MAX: variants seen among roughly 807,000 people sequenced by gnomAD.
The protein encoded by MAX is MYC associated transcriptional regulator X.
MAX carries 3 observed loss-of-function variants against 22.3 expected under a neutral mutation model. The ratio of observed to expected loss-of-function variants is 0.13; its 90% confidence interval spans 0.06 to 0.35. MAX has a LOEUF of 0.35. Among genes scored for constraint, MAX ranks in the 10% least tolerant of loss-of-function variants. The pLI, the probability that MAX is intolerant of heterozygous loss-of-function variation, is 1.00. For synonymous variants in MAX, 72 were observed against 77.7 expected, an observed-to-expected ratio of 0.93 and a Z score of 0.39; for missense variants, 119 against 209.4, an observed-to-expected ratio of 0.57 and a Z score of 2.66.
chr14:65,037,741 A>ATTTATTTATTAT (rs372196330), intron 3 of MAX, among the ~76,000 whole-genome samples: 4 of 132,718 alleles, frequency 3.0e-5, no homozygotes, highest in Admixed American at 7.9e-5. Context: ...TTATTTATTT[A>ATTTATTTATTAT]TTATTTATTT....
intron 2 of MAX, among the ~76,000 whole-genome samples, chr14:65,100,022 G>T (rs1249493219): frequency 6.6e-6 from 1 of 152,174 alleles, no homozygotes; most frequent in African/African-American, 2.4e-5. Flanking sequence ...TTACCCTGTG[G>T]TTATCAAGTT....
At chr14:65,049,141 A>T (rs1454633065) in intron 3 of MAX, among the ~76,000 whole-genome samples, 1 of 143,384 alleles carries the variant, frequency 7.0e-6, no homozygotes, top group African/African-American at 2.6e-5. Flanking sequence ...AAAAAAAAAA[A>T]GGCTTAAGAA....
At chr14:65,052,639 T>C (rs2062641436) in intron 3 of MAX, among the ~76,000 whole-genome samples, 1 of 152,190 alleles carries the variant, frequency 6.6e-6, no homozygotes, top group Non-Finnish European at 1.5e-5. Context: ...ATTACCAGAA[T>C]ACCCAGTTTT....
intron 3 of MAX, among the ~76,000 whole-genome samples, chr14:65,056,560 GT>G (rs1441327671): frequency 6.6e-6 from 1 of 152,108 alleles, no homozygotes; most frequent in African/African-American, 2.4e-5. Flanking sequence ...TTGATTTTGT[GT>G]TTTCCTGATT....
Position 65,077,619 on chromosome 14 carries a change from G to A in MAX, c.295+294C>T, listed in dbSNP as rs1053855162. The A allele has an allele frequency of 8.9e-7, 1 of 1,121,924 alleles. No individual in the cohort carries two copies. The highest frequency in any genetic ancestry group is 1.3e-6 in the Non-Finnish European group (1 of 760,490). 69.5% of individuals were successfully genotyped at this position (1,121,924 alleles called of 1,614,324 possible). A position where few individuals can be genotyped will look rare whatever the true frequency, so the allele number is the denominator to read the frequency against. On this transcript the variant is annotated intron_variant, in intron 4 of 4. Transcript: ENST00000358664. The surrounding 1 kb of genome is among the most constrained non-coding windows in gnomAD (Gnocchi z 6.3). ...TCTTTTCAGACACCTGATGCCAGGT[G>A]TGATCCCTACTGCAGGCAGAGCACC...
intron 3 of MAX, among the ~76,000 whole-genome samples, chr14:65,068,822 A>T (rs2062957674): frequency 6.6e-6 from 1 of 152,150 alleles, no homozygotes; most frequent in Non-Finnish European, 1.5e-5. Context: ...CCTTGATCAC[A>T]CAGTCTTTCC....
At chr14:65,057,662 ACTT>A (rs1384103609) in intron 3 of MAX, among the ~76,000 whole-genome samples, 8 of 152,282 alleles carry the variant, frequency 5.3e-5, no homozygotes, top group South Asian at 2.1e-4. Flanking sequence ...ATTAAGTGTA[ACTT>A]CTTCTAAATA....
intron 2 of MAX, among the ~76,000 whole-genome samples, chr14:65,095,891 C>G (rs2063653653): frequency 6.6e-6 from 1 of 152,188 alleles, no homozygotes; most frequent in African/African-American, 2.4e-5. Flanking sequence ...TGAAGTTGCA[C>G]TTGGTTTCAC....
intron 3 of MAX, among the ~76,000 whole-genome samples, chr14:65,053,502 G>C (rs2062657852): frequency 6.6e-6 from 1 of 152,078 alleles, no homozygotes; most frequent in Non-Finnish European, 1.5e-5. Context: ...GCACCCAGTT[G>C]GGAGCACCCC....
intron 3 of MAX, chr14:65,040,742 A>T: frequency 1.3e-6 from 2 of 1,592,750 alleles, no homozygotes; most frequent in Non-Finnish European, 1.7e-6. Context: ...GGTCTTGTGT[A>T]CGTCCACTCA....
chr14:65,095,339 T>C (rs140288621), intron 2 of MAX, among the ~76,000 whole-genome samples: 123 of 152,372 alleles, frequency 8.1e-4, no homozygotes, highest in African/African-American at 2.9e-3. Context: ...CTGGATTCAC[T>C]GTAAAATGAA....
chr14:65,089,741 A>G, intron 3 of MAX, among the ~76,000 whole-genome samples: 1 of 138,006 alleles, frequency 7.2e-6, no homozygotes. Flanking sequence ...ACTTTCTATA[A>G]AAGTAGCATC....
chr14:65,092,945 A>G (rs570571168), intron 3 of MAX, among the ~76,000 whole-genome samples: 113 of 152,230 alleles, frequency 7.4e-4, no homozygotes, highest in Non-Finnish European at 1.3e-3. Context: ...ATGAATTGCT[A>G]CAGACAACTA....
At chr14:65,037,787 T>C (rs1345773666) in intron 3 of MAX, among the ~76,000 whole-genome samples, 7 of 138,534 alleles carry the variant, frequency 5.1e-5, no homozygotes, top group African/African-American at 1.9e-4. Flanking sequence ...TTTATTTATT[T>C]ATTTATTTAT....
At position 65,102,437 on chromosome 14, in the gene MAX, CCACA is replaced by C. The variant is rs983039906; in HGVS notation, c.-102_-99del. On this transcript the variant is annotated 5_prime_UTR_variant, in exon 1 of 5. Coordinates refer to ENST00000358664, the MANE Select transcript of MAX (RefSeq NM_002382.5). ...CCGACAACAACAAGCCGAGTCCCCC[CCACA>C]CACACACTCACTCACTCACTCACTC... The C allele has an allele frequency of 3.2e-6, 5 of 1,551,840 alleles. No individual in the cohort carries two copies. The highest frequency in any genetic ancestry group is 3.9e-5 in the Admixed American group (2 of 51,422).
downstream of MAX, among the ~76,000 whole-genome samples, chr14:65,072,797 G>C (rs920206147): frequency 2.6e-5 from 4 of 152,198 alleles, no homozygotes; most frequent in Non-Finnish European, 4.4e-5. Context: ...AGCCTCACTC[G>C]AGTTGACACC....
At chr14:65,081,173 C>T (rs1016417508) in intron 3 of MAX, among the ~76,000 whole-genome samples, 8 of 152,198 alleles carry the variant, frequency 5.3e-5, no homozygotes, top group Middle Eastern at 3.2e-3. Context: ...CAGAAGTGCC[C>T]CTGGTCACTT....
chr14:65,101,069 T>C (rs1361106544), intron 2 of MAX, among the ~76,000 whole-genome samples: 1 of 152,254 alleles, frequency 6.6e-6, no homozygotes, highest in African/African-American at 2.4e-5. Flanking sequence ...TAGAATACCA[T>C]GTTGTGCTAG....
At chr14:65,098,982 T>A (rs1343862252) in intron 2 of MAX, among the ~76,000 whole-genome samples, 1 of 152,226 alleles carries the variant, frequency 6.6e-6, no homozygotes, top group Non-Finnish European at 1.5e-5. Flanking sequence ...TTTTTCAACA[T>A]CTTCTGTAGT....
Sources: gnomAD v4.1 joint callset for allele counts (sites outside exome capture counted in the v4.1 genomes callset) on GRCh38, gnomAD v4.1.1 for gene constraint, Gnocchi (gnomAD v3.1) non-coding constraint, MANE v1.5 for transcripts, NCBI Gene and HGNC (gene_info 2026-07-23, HGNC 2026-07-21) for gene names.